The following GHR variants were observed in gnomAD, a reference collection of about 807,000 sequenced individuals.
GHR encodes the protein growth hormone receptor, also known as GH receptor.
In GHR, 35 loss-of-function variants were observed where a neutral mutation model predicts 67.1. The observed-to-expected ratio is 0.52, with a 90% CI of 0.40 to 0.69. GHR has a LOEUF of 0.69. Ranked by LOEUF, GHR falls within the 30% of genes least tolerant of loss-of-function variation. The pLI is 0.00. For synonymous variants in GHR, 272 were observed against 269.1 expected, an observed-to-expected ratio of 1.01 and a Z score of -0.10; for missense variants, 792 against 764.6, an observed-to-expected ratio of 1.04 and a Z score of -0.42.
chr5:42,706,567 C>A (rs1205775225), intron 6 of GHR, among the ~76,000 whole-genome samples: 1 of 151,944 alleles, frequency 6.6e-6, no homozygotes, highest in Non-Finnish European at 1.5e-5. Flanking sequence ...GATAGTCGTA[C>A]ATGTTGAAAG....
intron 2 of GHR, among the ~76,000 whole-genome samples, chr5:42,577,869 T>C (rs916013731): frequency 6.6e-6 from 1 of 152,200 alleles, no homozygotes; most frequent in African/African-American, 2.4e-5. Flanking sequence ...CCTCTGTTTG[T>C]GGTTAGCTTG....
intron 1 of GHR, among the ~76,000 whole-genome samples, chr5:42,470,043 C>T: frequency 7.4e-6 from 1 of 135,480 alleles, no homozygotes; most frequent in East Asian, 2.0e-4. Flanking sequence ...ATATATACTA[C>T]TAATATAATT....
chr5:42,683,150 T>C (rs1756971393), intron 3 of GHR, among the ~76,000 whole-genome samples: 1 of 152,076 alleles, frequency 6.6e-6, no homozygotes, highest in African/African-American at 2.4e-5. Flanking sequence ...TACAGGTGCA[T>C]GCCACCATGC....
chr5:42,591,302 A>C (rs894253417), intron 2 of GHR, among the ~76,000 whole-genome samples: 2 of 152,240 alleles, frequency 1.3e-5, no homozygotes, highest in African/African-American at 4.8e-5. Context: ...AGCTAGGTTC[A>C]AGAAGTGAAC....
intron 1 of GHR, among the ~76,000 whole-genome samples, chr5:42,500,946 T>C (rs1746517082): frequency 6.6e-6 from 1 of 152,068 alleles, no homozygotes; most frequent in African/African-American, 2.4e-5. Context: ...TGAAAACAAC[T>C]AAAAAGTGAG....
intron 1 of GHR, among the ~76,000 whole-genome samples, chr5:42,501,719 C>A (rs1163900055): frequency 6.6e-6 from 1 of 152,162 alleles, no homozygotes; most frequent in Non-Finnish European, 1.5e-5. Flanking sequence ...AGAAAATCTT[C>A]CTGGTGAGAA....
At chr5:42,555,554 T>C (rs556931809) in intron 1 of GHR, among the ~76,000 whole-genome samples, 1 of 152,276 alleles carries the variant, frequency 6.6e-6, no homozygotes, top group East Asian at 1.9e-4. Flanking sequence ...CTACCCAGAA[T>C]TATTCTGTCT....
rs144388018 is a variant in GHR, at chr5:42,580,914, C to T, written c.70+14970C>T. Among the ~76,000 whole-genome samples, 1,040 of 152,292 alleles carry T rather than the reference C, an allele frequency of 6.8e-3. 10 individuals are homozygous for T. The highest frequency in any genetic ancestry group is 0.024 in the African/African-American group (985 of 41,526). On this transcript the variant is annotated intron_variant, in intron 2 of 9. Coordinates refer to ENST00000230882, the MANE Select transcript of GHR (RefSeq NM_000163.5). The stretch of plus-strand genomic sequence containing the variant: ...CCTTATAAAATCACTCTCCTCTCTC[C>T]AGTGGCAGAAGCGTGGCCCCTGACT...
At position 42,636,083 on chromosome 5, in the gene GHR, G is replaced by A. The variant is rs924501458; in HGVS notation, c.136+6980G>A. Among the ~76,000 whole-genome samples the A allele has an allele frequency of 2.8e-4, 42 of 151,632 alleles. 4 individuals are homozygous for A. The highest frequency in any genetic ancestry group is 9.4e-4 in the African/African-American group (39 of 41,312). ...AAATTAGCCGGGCGTGGTGGCGGGC[G>A]CCTGTAGTCCCAGCTACTTGGGAGG... On this transcript the variant is annotated intron_variant, in intron 3 of 9. Transcript: ENST00000230882.
rs538939306 is a variant in GHR at position 42,477,058 on chromosome 5, G to T, written c.-12+53103G>T. ...TCCCCCCACCCCACAACAGTCCCCA[G>T]TGTGTGATGTTCCCCTTCCTGTGTC... is the stretch of plus-strand genomic sequence containing the variant. On this transcript the variant is annotated intron_variant, in intron 1 of 9. Transcript: ENST00000230882. Among the ~76,000 whole-genome samples the T allele has an allele frequency of 1.8e-4, 21 of 118,016 alleles. No homozygotes were observed. The South Asian group carries it at 5.4e-3, about 30-fold the overall frequency. The allele number at this position is 118,016 out of a possible 152,430, so 77.4% of individuals were successfully genotyped here.
chr5:42,488,331 T>C (rs1745970474), intron 1 of GHR, among the ~76,000 whole-genome samples: 1 of 152,216 alleles, frequency 6.6e-6, no homozygotes, highest in South Asian at 2.1e-4. Context: ...ATAGGTAACA[T>C]TTTCAAAGTT....
At position 42,527,153 on chromosome 5, in the gene GHR, A is replaced by G. The variant is rs575895048; in HGVS notation, c.-11-38711A>G. On this transcript the variant is annotated intron_variant, in intron 1 of 9. Transcript: ENST00000230882. ...CTTAAATACACAGACCAGTGACACT[A>G]TAAAGCAACCACAAAAGCAAGCCAG... Among the ~76,000 whole-genome samples the G allele has an allele frequency of 2.6e-5, 4 of 152,332 alleles. No individual in the cohort carries two copies. The East Asian group carries it at 7.7e-4, about 29-fold the overall frequency.
intron 1 of GHR, among the ~76,000 whole-genome samples, chr5:42,558,596 A>G (rs376007176): frequency 2.6e-5 from 4 of 152,356 alleles, no homozygotes; most frequent in East Asian, 3.9e-4. Flanking sequence ...GTCTAGATAC[A>G]TAAATACTTA....
intron 1 of GHR, among the ~76,000 whole-genome samples, chr5:42,565,006 C>G (rs991923233): frequency 1.3e-5 from 2 of 152,256 alleles, no homozygotes; most frequent in East Asian, 3.9e-4. Context: ...GATGTGGACA[C>G]CCTGGTATAT....
chr5:42,481,972 T>A (rs1285417623), intron 1 of GHR, among the ~76,000 whole-genome samples: 1 of 152,096 alleles, frequency 6.6e-6, no homozygotes, highest in African/African-American at 2.4e-5. Flanking sequence ...ATTTTTAGAG[T>A]TTCCAGTTTT....
At chr5:42,684,938 T>G (rs1561226215) in intron 3 of GHR, among the ~76,000 whole-genome samples, 1 of 152,166 alleles carries the variant, frequency 6.6e-6, no homozygotes, top group Non-Finnish European at 1.5e-5. Context: ...TGCTTATTTT[T>G]CTTTTTATTA....
chr5:42,702,781 C>T (rs1371192583), intron 6 of GHR, among the ~76,000 whole-genome samples: 1 of 152,018 alleles, frequency 6.6e-6, no homozygotes, highest in African/African-American at 2.4e-5. Flanking sequence ...GCTGATAGCT[C>T]ATTGTGGTTT....
chr5:42,678,676 T>C lies in GHR; in HGVS notation c.137-10214T>C, dbSNP rs116091447. Among the ~76,000 whole-genome samples, 297 of 152,284 alleles carry C rather than the reference T, an allele frequency of 2.0e-3. 1 individual carries two copies. Among genetic ancestry groups the C allele is most frequent in the African/African-American group, 7.0e-3 (290 of 41,570 alleles). On this transcript the variant is annotated intron_variant, in intron 3 of 9. Transcript: ENST00000230882. ...CAGACAAAGGAAACATTCTTGCCTT[T>C]CTTTGAGGGAATTATAGACCAACAA...
At chr5:42,570,005 C>A (rs903284233) in intron 2 of GHR, among the ~76,000 whole-genome samples, 103 of 152,178 alleles carry the variant, frequency 6.8e-4, no homozygotes, top group African/African-American at 2.4e-3. Flanking sequence ...GGAAAGACAC[C>A]CCTGTTCTCA....
Sources: gnomAD v4.1 joint callset for allele counts (sites outside exome capture counted in the v4.1 genomes callset) on GRCh38, gnomAD v4.1.1 for gene constraint, MANE v1.5 for transcripts, NCBI Gene and HGNC (gene_info 2026-07-23, HGNC 2026-07-21) for gene names.